TMEM229A: variants seen among roughly 807,000 people sequenced by gnomAD.
TMEM229A encodes transmembrane protein 229A.
A neutral mutation model predicts 30.0 loss-of-function variants in TMEM229A; 23 were observed. That is an observed-to-expected ratio of 0.77 (90% CI 0.55 to 1.09). TMEM229A has a LOEUF of 1.09. Ranked by LOEUF, TMEM229A falls within the 50% of genes least tolerant of loss-of-function variation. TMEM229A has a pLI of 0.00. For synonymous variants in TMEM229A, 264 were observed against 241.5 expected (o/e 1.09, Z -0.86); for missense variants, 534 against 525.9 (o/e 1.02, Z -0.15).
chr7:124,032,814 C>T lies in TMEM229A; in HGVS notation c.190G>A (p.Gly64Arg). The change falls in exon 1 of 1, where the codon GGG (glycine) becomes AGG (arginine). Residue 64 changes from glycine (G) to arginine (R), a missense_variant. Coordinates refer to ENST00000455783, the MANE Select transcript of TMEM229A (RefSeq NM_001136002.2). The surrounding 1 kb of genome is among the most constrained non-coding windows in gnomAD (Gnocchi z 6.6). ...GACACCAGCACGTCCAGGGTGATCCCGTGCATCCCGTAGAAGTAGAGGCGC... is the reference window on the plus strand; with the variant it reads ...GACACCAGCACGTCCAGGGTGATCCTGTGCATCCCGTAGAAGTAGAGGCGC... ...WMRLYFYGMH[G>R]ITLDVLVSSA... 1.9e-6 allele frequency: 3 copies of T among 1,550,184 alleles called. No individual in the cohort carries two copies. The highest frequency in any genetic ancestry group is 1.4e-5 in the African/African-American group (1 of 73,110).
In TMEM229A at chr7:124,032,457, C is replaced by T. The variant is rs1275166023; in HGVS notation, c.547G>A (p.Gly183Arg). 10 of 1,548,306 alleles carry T rather than the reference C, an allele frequency of 6.5e-6. No individual in the cohort carries two copies. Among genetic ancestry groups the T allele is most frequent in the Non-Finnish European group, 7.8e-6 (9 of 1,146,524 alleles). Residue 183 changes from glycine (G) to arginine (R), a missense_variant, in exon 1 of 1, where the codon GGG (glycine) becomes AGG (arginine). By Grantham distance (125) the Gly-to-Arg change is moderately radical. Transcript: ENST00000455783. This position sits in a 1 kb window ranked among gnomAD's most constrained non-coding sequence, Gnocchi z 6.6. ...FLKRFLRLRY[G>R]RQRRRQQQQQ... ...TGCTGCTGCCGCCGCCTCTGTCGCC[C>T]GTACCGCAAGCGCAGGAAGCGCTTC... is the stretch of plus-strand genomic sequence containing the variant.
rs768376403 is a variant in TMEM229A, at chr7:124,032,824, G to A, written c.180C>T (p.Tyr60=). The A allele has an allele frequency of 5.8e-6, 9 of 1,549,310 alleles. No homozygotes were observed. Among genetic ancestry groups the A allele is most frequent in the East Asian group, 4.9e-5 (2 of 40,744 alleles). The change falls in exon 1 of 1, where the codon TAC becomes TAT. Residue 60 remains tyrosine, a synonymous_variant. Transcript: ENST00000455783. This position sits in a 1 kb window ranked among gnomAD's most constrained non-coding sequence, Gnocchi z 6.6. ...CGTCCAGGGTGATCCCGTGCATCCCGTAGAAGTAGAGGCGCATCCAGGCGG... is the reference window on the plus strand; with the variant it reads ...CGTCCAGGGTGATCCCGTGCATCCCATAGAAGTAGAGGCGCATCCAGGCGG... ...TLPAWMRLYF[Y]GMHGITLDVL...
rs747188805 is a variant in TMEM229A at position 124,032,416 on chromosome 7, C to CTGCTGCTGCTGCTGT, written c.573_587dup (p.Gln196_Gln200dup). 608 of 1,544,472 alleles carry CTGCTGCTGCTGCTGT rather than the reference C, an allele frequency of 3.9e-4. 1 individual carries two copies. The African/African-American group carries it at 7.9e-3, about 20-fold the overall frequency. On this transcript the variant is annotated inframe_insertion, in exon 1 of 1. Coordinates refer to ENST00000455783, the MANE Select transcript of TMEM229A (RefSeq NM_001136002.2). The surrounding 1 kb of genome is among the most constrained non-coding windows in gnomAD (Gnocchi z 6.6). ...GCGCGCCCCTCCGCTGCTGCTGCTG[C>CTGCTGCTGCTGCTGT]TGCTGCTGCTGCTGTTGCTGCTGCC... is the stretch of plus-strand genomic sequence containing the variant.
At position 124,032,074 on chromosome 7, in the gene TMEM229A, C is replaced by T. The variant is rs7803499; in HGVS notation, c.930G>A (p.Val310=). The T allele has an allele frequency of 2.3e-5, 36 of 1,551,728 alleles. No homozygotes were observed. The African/African-American group carries it at 4.8e-4, about 21-fold the overall frequency. Residue 310 remains valine (V), a synonymous_variant, in exon 1 of 1, where the codon GTG becomes GTA. Coordinates refer to ENST00000455783, the MANE Select transcript of TMEM229A (RefSeq NM_001136002.2). This position sits in a 1 kb window ranked among gnomAD's most constrained non-coding sequence, Gnocchi z 6.6. ...CGTAGATGAAGATCACGTAGATGGG[C>T]ACCCGCTTCCAAGTGCCCCAACCGC... ...YSRGWGTWKR[V]PIYVIFIYVW...
Position 124,032,367 on chromosome 7 carries a change from C to A in TMEM229A, c.637G>T (p.Val213Phe). The change falls in exon 1 of 1, where the codon GTC (valine) becomes TTC (phenylalanine). Residue 213 changes from valine to phenylalanine, a missense_variant. By Grantham distance (50) the Val-to-Phe change is conservative. Transcript: ENST00000455783. The surrounding 1 kb of genome is among the most constrained non-coding windows in gnomAD (Gnocchi z 6.6). Reference protein sequence around the residue: ...GALPVPPGARVPTAAGARRRR... With the variant: ...GALPVPPGARFPTAAGARRRR... The stretch of plus-strand genomic sequence containing the variant: ...CGCCGGGCTCCGGCCGCAGTAGGGA[C>A]CCGGGCGCCGGGAGGGACGGGGAGC... The A allele has an allele frequency of 6.5e-7, 1 of 1,541,732 alleles. No homozygotes were observed. The highest frequency in any genetic ancestry group is 1.2e-5 in the South Asian group (1 of 83,504).
Position 124,032,095 on chromosome 7 carries a change from A to T in TMEM229A, c.909T>A (p.Gly303=). The T allele has an allele frequency of 6.4e-7, 1 of 1,551,692 alleles. No homozygotes were observed. Among genetic ancestry groups the T allele is most frequent in the South Asian group, 1.2e-5 (1 of 84,062 alleles). ...KLYFHLHYSR[G]WGTWKRVPIY... ...TGGGCACCCGCTTCCAAGTGCCCCA[A>T]CCGCGGCTGTAGTGGAGGTGGAAGT... The change falls in exon 1 of 1, where the codon GGT becomes GGA. Residue 303 remains glycine, a synonymous_variant. Transcript: ENST00000455783. The surrounding 1 kb of genome is among the most constrained non-coding windows in gnomAD (Gnocchi z 6.6).
chr7:124,032,628 G>A lies in TMEM229A; in HGVS notation c.376C>T (p.Pro126Ser). The A allele has an allele frequency of 1.3e-6, 2 of 1,551,280 alleles. 1 individual carries two copies. Among genetic ancestry groups the A allele is most frequent in the East Asian group, 4.9e-5 (2 of 40,864 alleles). Residue 126 changes from proline (P) to serine (S), a missense_variant, in exon 1 of 1, where the codon CCC becomes TCC. Physicochemically the swap from Pro to Ser is moderately conservative, Grantham distance 74. Coordinates refer to ENST00000455783, the MANE Select transcript of TMEM229A (RefSeq NM_001136002.2). This position sits in a 1 kb window ranked among gnomAD's most constrained non-coding sequence, Gnocchi z 6.6. ...GTCTGCAGCCCCACGTGGGCCGAGG[G>A]GTAGAGGAGGAAATTGAAGACGAAG... ...NAFVFNFLLY[P>S]SAHVGLQTLA...
rs1482178326 is a variant in TMEM229A at position 124,032,969 on chromosome 7, G to A, written c.35C>T (p.Ala12Val). ...ACGCCGCGCCGCGCCGCCCCTCCGTGCGGGGCCCTCGCTGTCCACGTCGCT... is the reference window on the plus strand; with the variant it reads ...ACGCCGCGCCGCGCCGCCCCTCCGTACGGGGCCCTCGCTGTCCACGTCGCT... ...AGSDVDSEGP[A>V]RRGGAARRPG... The change falls in exon 1 of 1, where the codon GCA (alanine) becomes GTA (valine). Residue 12 changes from alanine (A) to valine (V), a missense_variant. Coordinates refer to ENST00000455783, the MANE Select transcript of TMEM229A (RefSeq NM_001136002.2). The surrounding 1 kb of genome is among the most constrained non-coding windows in gnomAD (Gnocchi z 6.6). The A allele has an allele frequency of 7.6e-7, 1 of 1,317,640 alleles. No individual in the cohort carries two copies. The highest frequency in any genetic ancestry group is 1.6e-5 in the African/African-American group (1 of 64,314). 81.6% of individuals were successfully genotyped at this position (1,317,640 alleles called of 1,614,324 possible).
At position 124,032,848 on chromosome 7, in the gene TMEM229A, G is replaced by T; in HGVS notation, c.156C>A (p.Pro52=). The T allele has an allele frequency of 3.2e-6, 5 of 1,544,882 alleles. No individual in the cohort carries two copies. In the South Asian group the frequency reaches 6.0e-5, roughly 19 times the overall value. ...CGTAGAAGTAGAGGCGCATCCAGGCGGGCAGCGTGGCGCTCTCAGCCGGCG... is the reference window on the plus strand; with the variant it reads ...CGTAGAAGTAGAGGCGCATCCAGGCTGGCAGCGTGGCGCTCTCAGCCGGCG... ...AEAPAESATL[P]AWMRLYFYGM... The change falls in exon 1 of 1, where the codon CCC becomes CCA. Residue 52 remains proline (P), a synonymous_variant. Transcript: ENST00000455783. This position sits in a 1 kb window ranked among gnomAD's most constrained non-coding sequence, Gnocchi z 6.6.
At position 124,031,355 on chromosome 7, in the gene TMEM229A, T is replaced by G. The variant is rs1428149935; in HGVS notation, c.*506A>C. The G allele has an allele frequency of 6.6e-6, 1 of 152,436 alleles. No individual in the cohort carries two copies. The highest frequency in any genetic ancestry group is 1.5e-5 in the Non-Finnish European group (1 of 68,218). 9.4% of individuals were successfully genotyped at this position (152,436 alleles called of 1,614,324 possible). A position where few individuals can be genotyped will look rare whatever the true frequency, so the allele number is the denominator to read the frequency against. The stretch of plus-strand genomic sequence containing the variant: ...GTCTCAAGAGTACAAGACATTGAGT[T>G]TCTTCAGTCATTGGTAAATATGGCA... On this transcript the variant is annotated 3_prime_UTR_variant, in exon 1 of 1. Transcript: ENST00000455783. The surrounding 1 kb of genome is among the most constrained non-coding windows in gnomAD (Gnocchi z 4.1).
Position 124,031,911 on chromosome 7 carries a change from C to T in TMEM229A, c.1093G>A (p.Asp365Asn), listed in dbSNP as rs1198615936. ...PGWIFLSVYQDLISNVLWRVQ... is the reference protein window; with the variant it reads ...PGWIFLSVYQNLISNVLWRVQ... ...CTCCACAACACGTTGGAAATTAGGT[C>T]CTGGTACACACTAAGGAATATCCAG... Residue 365 changes from aspartate to asparagine, a missense_variant, in exon 1 of 1, where the codon GAC becomes AAC. By Grantham distance (23) the Asp-to-Asn change is conservative. Transcript: ENST00000455783. The surrounding 1 kb of genome is among the most constrained non-coding windows in gnomAD (Gnocchi z 4.1). The T allele has an allele frequency of 6.4e-7, 1 of 1,551,612 alleles. No individual in the cohort carries two copies.
At position 124,032,433 on chromosome 7, in the gene TMEM229A, G is replaced by A. The variant is rs1793148865; in HGVS notation, c.571C>T (p.Gln191Ter). The A allele has an allele frequency of 1.9e-6, 3 of 1,546,722 alleles. No individual in the cohort carries two copies. The highest frequency in any genetic ancestry group is 1.7e-6 in the Non-Finnish European group (2 of 1,146,084). ...TGCTGCTGCTGCTGCTGCTGCTGTT[G>A]CTGCTGCCGCCGCCTCTGTCGCCCG... Reference protein sequence around the residue: ...RYGRQRRRQQQQQQQQQQQQR... With the variant: ...RYGRQRRRQQ The change falls in exon 1 of 1, where the codon CAA becomes TAA. Residue 191 changes from glutamine (Q) to a stop codon, truncating the protein, a stop_gained. Transcript: ENST00000455783. LOFTEE classifies it high-confidence loss of function. This position sits in a 1 kb window ranked among gnomAD's most constrained non-coding sequence, Gnocchi z 6.6.
Position 124,031,941 on chromosome 7 carries a change from G to A in TMEM229A, c.1063C>T (p.Pro355Ser). The change falls in exon 1 of 1, where the codon CCT (proline) becomes TCT (serine). Residue 355 changes from proline (P) to serine (S), a missense_variant. Physicochemically the swap from Pro to Ser is moderately conservative, Grantham distance 74. Transcript: ENST00000455783. The surrounding 1 kb of genome is among the most constrained non-coding windows in gnomAD (Gnocchi z 4.1). The stretch of plus-strand genomic sequence containing the variant: ...TACACACTAAGGAATATCCAGCCAG[G>A]TAAATACATCAGGGTGATGAGGCCC... The part of the protein sequence containing the change: ...FMGLITLMYL[P>S]GWIFLSVYQD... The A allele has an allele frequency of 1.9e-6, 3 of 1,551,654 alleles. No individual in the cohort carries two copies. Among genetic ancestry groups the A allele is most frequent in the Non-Finnish European group, 2.6e-6 (3 of 1,146,990 alleles).
At position 124,032,945 on chromosome 7, in the gene TMEM229A, C is replaced by G. The variant is rs1563050416; in HGVS notation, c.59G>C (p.Arg20Pro). ...TCCTGGCCCGCCAGGGGCCCCCGGA[C>G]GCCGCGCCGCGCCGCCCCTCCGTGC... ...GPARRGGAARRPGAPGGPGSE... is the reference protein window; with the variant it reads ...GPARRGGAARPPGAPGGPGSE... The change falls in exon 1 of 1, where the codon CGT becomes CCT. Residue 20 changes from arginine (R) to proline (P), a missense_variant. Arg to Pro is a moderately radical substitution (Grantham distance 103). Coordinates refer to ENST00000455783, the MANE Select transcript of TMEM229A (RefSeq NM_001136002.2). This position sits in a 1 kb window ranked among gnomAD's most constrained non-coding sequence, Gnocchi z 6.6. 1.1e-5 allele frequency: 15 copies of G among 1,338,042 alleles called. No homozygotes were observed. Among genetic ancestry groups the G allele is most frequent in the Non-Finnish European group, 1.2e-5 (13 of 1,050,300 alleles). 82.9% of individuals were successfully genotyped at this position (1,338,042 alleles called of 1,614,324 possible).
rs2116112508 is a variant in TMEM229A at position 124,033,047 on chromosome 7, C to T, written c.-44G>A. 1 of 1,187,990 alleles carries T rather than the reference C, an allele frequency of 8.4e-7. No individual in the cohort carries two copies. The allele number at this position is 1,187,990 out of a possible 1,614,324, so 73.6% of individuals were successfully genotyped here. A position where few individuals can be genotyped will look rare whatever the true frequency, so the allele number is the denominator to read the frequency against. On this transcript the variant is annotated 5_prime_UTR_variant, in exon 1 of 1. Coordinates refer to ENST00000455783, the MANE Select transcript of TMEM229A (RefSeq NM_001136002.2). ...AACGCCCGAGGCTGCACCGCCGCCG[C>T]TGCCGGGTGCGCGGAGCTGCAGGGC...
rs565655410 is a variant in TMEM229A, at chr7:124,032,859, C to G, written c.145G>C (p.Ala49Pro). 4.4e-4 allele frequency: 674 copies of G among 1,542,746 alleles called. 6 individuals carry two copies. In the African/African-American group the frequency reaches 8.5e-3, roughly 20 times the overall value. The change falls in exon 1 of 1, where the codon GCC becomes CCC. Residue 49 changes from alanine (A) to proline (P), a missense_variant. Transcript: ENST00000455783. The surrounding 1 kb of genome is among the most constrained non-coding windows in gnomAD (Gnocchi z 6.6). ...LSTAEAPAESATLPAWMRLYF... is the reference protein window; with the variant it reads ...LSTAEAPAESPTLPAWMRLYF... The stretch of plus-strand genomic sequence containing the variant: ...AGGCGCATCCAGGCGGGCAGCGTGG[C>G]GCTCTCAGCCGGCGCTTCAGCAGTG...
chr7:124,032,752 C>T lies in TMEM229A; in HGVS notation c.252G>A (p.Arg84=), dbSNP rs1793154745. ...ARRFARSPDL[R]MLGFSSPYRC... is the part of the protein sequence containing the mutation. ...GGTAGGGCGAGGAGAAGCCTAGCAT[C>T]CGCAGGTCCGGGCTGCGGGCGAAGC... is the stretch of plus-strand genomic sequence containing the variant. The change falls in exon 1 of 1, where the codon CGG becomes CGA. Residue 84 remains arginine (R), a synonymous_variant. Coordinates refer to ENST00000455783, the MANE Select transcript of TMEM229A (RefSeq NM_001136002.2). The surrounding 1 kb of genome is among the most constrained non-coding windows in gnomAD (Gnocchi z 6.6). 1 of 1,551,258 alleles carries T rather than the reference C, an allele frequency of 6.4e-7. No homozygotes were observed. The highest frequency in any genetic ancestry group is 2.0e-5 in the Admixed American group (1 of 50,984).
chr7:124,032,196 C>T lies in TMEM229A; in HGVS notation c.808G>A (p.Gly270Arg), dbSNP rs938466808. The change falls in exon 1 of 1, where the codon GGG becomes AGG. Residue 270 changes from glycine to arginine, a missense_variant. Gly to Arg is a moderately radical substitution (Grantham distance 125). Transcript: ENST00000455783. The surrounding 1 kb of genome is among the most constrained non-coding windows in gnomAD (Gnocchi z 6.6). ...FFFNVLGQGDGTTSGHTSLWS... is the reference protein window; with the variant it reads ...FFFNVLGQGDRTTSGHTSLWS... ...AGCGACGTGTGGCCGCTGGTTGTCC[C>T]GTCCCCCTGCCCCAGTACGTTGAAG... is the stretch of plus-strand genomic sequence containing the variant. The T allele has an allele frequency of 6.4e-7, 1 of 1,551,806 alleles. No homozygotes were observed. The highest frequency in any genetic ancestry group is 8.7e-7 in the Non-Finnish European group (1 of 1,147,020).
In TMEM229A at chr7:124,031,815, G is replaced by T; in HGVS notation, c.*46C>A. 1 of 1,452,110 alleles carries T rather than the reference G, an allele frequency of 6.9e-7. No homozygotes were observed. Among genetic ancestry groups the T allele is most frequent in the Non-Finnish European group, 9.1e-7 (1 of 1,098,950 alleles). 90.0% of individuals were successfully genotyped at this position (1,452,110 alleles called of 1,614,324 possible). ...GTGTAAAAATAAATCGCATCCATTC[G>T]TGGGAATCCAGTGACTTTTTCCTTT... On this transcript the variant is annotated 3_prime_UTR_variant, in exon 1 of 1. Transcript: ENST00000455783. This position sits in a 1 kb window ranked among gnomAD's most constrained non-coding sequence, Gnocchi z 4.1.
Sources: allele counts gnomAD v4.1 joint callset, GRCh38; gene constraint gnomAD v4.1.1; non-coding constraint Gnocchi (gnomAD v3.1); transcripts MANE v1.5; gene names NCBI Gene and HGNC (gene_info 2026-07-23, HGNC 2026-07-21).